Variants in ABCA12 observed in about 807,000 individuals in gnomAD.
The protein encoded by ABCA12 is ATP binding cassette subfamily A member 12.
ABCA12 carries 156 observed loss-of-function variants against 293.5 expected under a neutral mutation model. The observed-to-expected ratio is 0.53, with a 90% CI of 0.47 to 0.61. The LOEUF (loss-of-function observed/expected upper bound fraction) is 0.61, where lower values mean the gene tolerates loss of function less well. Ranked by LOEUF, ABCA12 falls within the 20% of genes least tolerant of loss-of-function variation. ABCA12 has a pLI of 0.00. For synonymous variants in ABCA12, 1,063 were observed against 1,108.0 expected (o/e 0.96, Z 0.81); for missense variants, 2,797 against 3,090.2 (o/e 0.91, Z 2.25).
intron 28 of ABCA12, 102 bp from the exon 29 acceptor site, chr2:214,983,967 CT>C (rs1376397264): frequency 2.1e-6 from 2 of 969,286 alleles, no homozygotes; most frequent in Non-Finnish European, 3.1e-6. Flanking sequence ...TACAGTGTAT[CT>C]TCTCAGTCAA....
chr2:215,120,984 A>C (rs1702794077), intron 1 of ABCA12, among the ~76,000 whole-genome samples: 1 of 152,220 alleles, frequency 6.6e-6, no homozygotes, highest in South Asian at 2.1e-4. Flanking sequence ...TCTTATAATT[A>C]ATGTCAGCAT....
At chr2:215,073,171 G>A (rs1301336666) in intron 2 of ABCA12, among the ~76,000 whole-genome samples, 1 of 152,116 alleles carries the variant, frequency 6.6e-6, no homozygotes, top group Non-Finnish European at 1.5e-5. Flanking sequence ...GGGTTTATTA[G>A]TCTTGTTAGA....
intron 33 of ABCA12, among the ~76,000 whole-genome samples, chr2:214,976,845 C>T (rs1354456529): frequency 6.6e-6 from 1 of 152,142 alleles, no homozygotes; most frequent in East Asian, 1.9e-4. Flanking sequence ...CTAATAATTT[C>T]AGCACTCCCT....
chr2:214,968,899 T>C, intron 37 of ABCA12, 92 bp from the exon 38 acceptor site: 1 of 1,058,376 alleles, frequency 9.4e-7, no homozygotes, highest in Non-Finnish European at 1.5e-6. Context: ...CAACTTTTTG[T>C]TTCTGTTAGG....
intron 28 of ABCA12, among the ~76,000 whole-genome samples, chr2:214,985,045 C>G (rs1334760699): frequency 6.6e-6 from 1 of 152,234 alleles, no homozygotes; most frequent in Non-Finnish European, 1.5e-5. Context: ...CAGTAACCTA[C>G]TCAGTGCCTT....
chr2:215,054,715 T>G, intron 3 of ABCA12, 51 bp from the exon 4 acceptor site: 6 of 1,400,490 alleles, frequency 4.3e-6, no homozygotes, highest in Non-Finnish European at 6.1e-6. Context: ...TTAATTTTAG[T>G]TACAGCAATG....
rs552907213 is a variant in ABCA12 at position 214,989,322 on chromosome 2, T to G, written c.3829+7A>C. The G allele has an allele frequency of 4.0e-5, 65 of 1,612,712 alleles. No individual in the cohort carries two copies. In the South Asian group the frequency reaches 7.0e-4, roughly 17 times the overall value. ...AAAGCATGTATCTGTAGGAAGCACA[T>G]TCATACCTGGGAAGACATTCCTGAC... On this transcript the variant is annotated splice_region_variant and intron_variant, in intron 26 of 52. Transcript: ENST00000272895.
intron 50 of ABCA12, among the ~76,000 whole-genome samples, chr2:214,939,572 G>C (rs1430342993): frequency 1.3e-5 from 2 of 152,096 alleles, no homozygotes; most frequent in African/African-American, 4.8e-5. Context: ...CCATTTTCAT[G>C]ATATTGATTC....
intron 14 of ABCA12, among the ~76,000 whole-genome samples, chr2:215,016,411 G>A (rs1400414787): frequency 6.7e-6 from 1 of 149,808 alleles, no homozygotes; most frequent in Non-Finnish European, 1.5e-5. Context: ...GTGAAACCCC[G>A]TCTCTACTAA....
chr2:215,010,556 T>A, intron 17 of ABCA12, 86 bp from the exon 18 acceptor site: 4 of 1,447,328 alleles, frequency 2.8e-6, no homozygotes, highest in Non-Finnish European at 3.8e-6. Context: ...ATTATTCTTA[T>A]CACACCCAAA....
intron 7 of ABCA12, among the ~76,000 whole-genome samples, chr2:215,040,108 A>T (rs1050898581): frequency 1.3e-5 from 2 of 152,214 alleles, no homozygotes; most frequent in African/African-American, 4.8e-5. Context: ...TCAAGTTAGT[A>T]ACGTTACACA....
chr2:214,933,542 C>T (rs1026115590), intron 52 of ABCA12, among the ~76,000 whole-genome samples: 1 of 152,112 alleles, frequency 6.6e-6, no homozygotes, highest in African/African-American at 2.4e-5. Context: ...AAAATTAAGA[C>T]AGTACAGAAG....
At chr2:215,108,037 C>T (rs1293742729) in intron 2 of ABCA12, among the ~76,000 whole-genome samples, 4 of 152,156 alleles carry the variant, frequency 2.6e-5, no homozygotes, top group Admixed American at 2.6e-4. Context: ...CCTTGCTCTC[C>T]AGCACACCCA....
chr2:215,041,884 T>G (rs1701108968), intron 7 of ABCA12, among the ~76,000 whole-genome samples: 1 of 152,192 alleles, frequency 6.6e-6, no homozygotes, highest in Non-Finnish European at 1.5e-5. Context: ...CCTGAAGACA[T>G]GATGTGAAAT....
intron 3 of ABCA12, among the ~76,000 whole-genome samples, chr2:215,060,992 A>G (rs973007876): frequency 1.3e-5 from 2 of 152,022 alleles, no homozygotes; most frequent in African/African-American, 4.8e-5. Flanking sequence ...CCTTCTCCAA[A>G]TAATGACCCT....
chr2:215,068,419 T>G (rs1294526481), intron 2 of ABCA12, among the ~76,000 whole-genome samples: 1 of 152,194 alleles, frequency 6.6e-6, no homozygotes, highest in African/African-American at 2.4e-5. Context: ...GGTGCCTCAA[T>G]GAGCCTGGTT....
At chr2:214,984,509 C>T (rs541280985) in intron 28 of ABCA12, among the ~76,000 whole-genome samples, 38 of 152,182 alleles carry the variant, frequency 2.5e-4, no homozygotes, top group South Asian at 1.2e-3. Context: ...CATCTGTAGC[C>T]CAGACTTCAT....
intron 9 of ABCA12, among the ~76,000 whole-genome samples, chr2:215,029,750 A>G (rs940815867): frequency 1.2e-4 from 18 of 152,326 alleles, no homozygotes; most frequent in Middle Eastern, 6.8e-3. Context: ...ATTCCCTTAC[A>G]ACACTGGAGT....
chr2:215,003,032 T>G (rs1444198884), intron 20 of ABCA12, among the ~76,000 whole-genome samples: 2 of 152,234 alleles, frequency 1.3e-5, no homozygotes, highest in East Asian at 3.8e-4. Context: ...CACTAGTACC[T>G]TTATTTAATC....
Sources: allele counts gnomAD v4.1 joint callset (sites outside exome capture counted in the v4.1 genomes callset), GRCh38; gene constraint gnomAD v4.1.1; transcripts MANE v1.5; gene names NCBI Gene and HGNC (gene_info 2026-07-23, HGNC 2026-07-21).